Variants in HSPD1 observed in about 807,000 individuals in gnomAD.
HSPD1 encodes 60 kDa heat shock protein, mitochondrial.
HSPD1 carries 3 observed loss-of-function variants against 53.0 expected under a neutral mutation model. That is an observed-to-expected ratio of 0.06 (90% CI 0.03 to 0.15). The LOEUF (loss-of-function observed/expected upper bound fraction) is 0.15, where lower values mean the gene tolerates loss of function less well. Ranked by LOEUF, HSPD1 falls within the 10% of genes least tolerant of loss-of-function variation. The probability of loss-of-function intolerance (pLI) is 1.00; values close to 1 mark genes in which losing one functional copy is unlikely to be tolerated. For missense variants in HSPD1, 431 were observed against 694.1 expected, an observed-to-expected ratio of 0.62 and a Z score of 4.26; for synonymous variants, 200 against 228.0, an observed-to-expected ratio of 0.88 and a Z score of 1.10.
rs11551350 is a variant in HSPD1 at position 197,498,778 on chromosome 2, C to T, written c.71G>A (p.Arg24Gln). Residue 24 changes from arginine (R) to glutamine (Q), a missense_variant, in exon 2 of 12, where the codon CGG (arginine) becomes CAG (glutamine). Coordinates refer to ENST00000388968, the MANE Select transcript of HSPD1 (RefSeq NM_002156.5). ...AAATTTTACATCTTTGGCATAAGCC[C>T]GAGTGAGATGAGGAGCCAGTACCCT... ...VSRVLAPHLT[R>Q]AYAKDVKFGA... The T allele has an allele frequency of 6.2e-7, 1 of 1,614,152 alleles. No homozygotes were observed. The highest frequency in any genetic ancestry group is 8.5e-7 in the Non-Finnish European group (1 of 1,180,022).
At chr2:197,493,581 T>C (rs2086120423) in intron 6 of HSPD1, 89 bp from the exon 7 acceptor site, 5 of 933,502 alleles carry the variant, frequency 5.4e-6, no homozygotes, top group Admixed American at 2.0e-5. Flanking sequence ...CAATACACTT[T>C]AAAATTCACC....
At chr2:197,497,607 G>T in intron 2 of HSPD1, 1 of 587,156 alleles carries the variant, frequency 1.7e-6, no homozygotes, top group Non-Finnish European at 3.0e-6. Context: ...GCATAATTTT[G>T]AACTAGGTAA....
intron 9 of HSPD1, 74 bp from the exon 10 acceptor site, chr2:197,488,565 GT>G: frequency 7.0e-7 from 1 of 1,422,346 alleles, no homozygotes. Context: ...TTTAAAAGCA[GT>G]TTACTTAAAA....
chr2:197,489,377 CT>C (rs1202845271), intron 8 of HSPD1, 130 bp from the exon 9 acceptor site: 1 of 965,116 alleles, frequency 1.0e-6, no homozygotes, highest in Non-Finnish European at 1.6e-6. Flanking sequence ...TTTAAGATCA[CT>C]GTTAGTCCAG....
At chr2:197,494,866 G>C in intron 4 of HSPD1, 114 bp from the exon 5 acceptor site, 1 of 753,944 alleles carries the variant, frequency 1.3e-6, no homozygotes, top group Non-Finnish European at 2.4e-6. Flanking sequence ...GGGGAGAGAA[G>C]GGGAATTTAC....
Position 197,497,187 on chromosome 2 carries a change from C to G in HSPD1, c.380G>C (p.Gly127Ala), listed in dbSNP as rs763851396. The change falls in exon 3 of 12, where the codon GGC becomes GCC. Residue 127 changes from glycine to alanine, a missense_variant. Transcript: ENST00000388968. The part of the protein sequence containing the change: ...TVLARSIAKE[G>A]FEKISKGANP... ...AGCACCTTTGCTAATCTTCTCGAAGCCTTCCTTGGCTATAGAGCGTGCCAG... is the reference window on the plus strand; with the variant it reads ...AGCACCTTTGCTAATCTTCTCGAAGGCTTCCTTGGCTATAGAGCGTGCCAG... 1.9e-6 allele frequency: 3 copies of G among 1,614,146 alleles called. No homozygotes were observed. Among genetic ancestry groups the G allele is most frequent in the South Asian group, 2.2e-5 (2 of 91,080 alleles).
chr2:197,496,907 C>T lies in HSPD1; in HGVS notation c.427+233G>A, dbSNP rs887162933. 5.6e-6 allele frequency: 3 copies of T among 536,496 alleles called. No individual in the cohort carries two copies. The African/African-American group carries it at 5.7e-5, about 10-fold the overall frequency. The allele number at this position is 536,496 out of a possible 1,614,324, so 33.2% of individuals were successfully genotyped here. ...CCTGGGCTACAGAGCAAGACCCTGT[C>T]TCTAAAAACAAAAGAAACCAACTAA... is the stretch of plus-strand genomic sequence containing the variant. On this transcript the variant is annotated intron_variant, in intron 3 of 11. Coordinates refer to ENST00000388968, the MANE Select transcript of HSPD1 (RefSeq NM_002156.5).
intron 7 of HSPD1, among the ~76,000 whole-genome samples, chr2:197,492,456 C>T (rs1283210326): frequency 6.6e-6 from 1 of 152,090 alleles, no homozygotes; most frequent in Non-Finnish European, 1.5e-5. Context: ...TCCCCAAGTG[C>T]TGGGATTATA....
chr2:197,493,243 T>A (rs1048046884), intron 7 of HSPD1, 81 bp downstream of exon 7: 2 of 1,174,220 alleles, frequency 1.7e-6, no homozygotes, highest in South Asian at 2.4e-5. Flanking sequence ...GAGGTACACA[T>A]GATGGAAACT....
At chr2:197,499,243 TAAAAGTA>T (rs1461848339) in intron 1 of HSPD1, 2 of 326,526 alleles carry the variant, frequency 6.1e-6, no homozygotes, top group African/African-American at 4.3e-5. Context: ...CCAGGGAAGT[TAAAAGTA>T]TTCCTGACGG....
At position 197,489,228 on chromosome 2, in the gene HSPD1, A is replaced by C; in HGVS notation, c.989T>G (p.Leu330Trp). 6.2e-7 allele frequency: 1 copy of C among 1,614,198 alleles called. No individual in the cohort carries two copies. Among genetic ancestry groups the C allele is most frequent in the Non-Finnish European group, 8.5e-7 (1 of 1,179,998 alleles). ...TGGAVFGEEGLTLNLEDVQPH... is the reference protein window; with the variant it reads ...TGGAVFGEEGWTLNLEDVQPH... The stretch of plus-strand genomic sequence containing the variant: ...CTGAACGTCTTCAAGATTCAGGGTC[A>C]ATCCCTCTTCTCCAAACACCTACAA... Residue 330 changes from leucine to tryptophan, a missense_variant, in exon 9 of 12, where the codon TTG (leucine) becomes TGG (tryptophan). By Grantham distance (61) the Leu-to-Trp change is moderately conservative. Coordinates refer to ENST00000388968, the MANE Select transcript of HSPD1 (RefSeq NM_002156.5).
rs531377604 is a variant in HSPD1 at position 197,497,110 on chromosome 2, G to C, written c.427+30C>G. 11 of 1,610,002 alleles carry C rather than the reference G, an allele frequency of 6.8e-6. No individual in the cohort carries two copies. The Admixed American group carries it at 1.8e-4, about 27-fold the overall frequency. ...ATGCCTTAAAGCACACTGAAGTTTA[G>C]AACACTGTGGTGACAACAGACATTC... On this transcript the variant is annotated intron_variant, in intron 3 of 11. Transcript: ENST00000388968.
intron 4 of HSPD1, 110 bp downstream of exon 4, chr2:197,495,184 T>A: frequency 1.4e-6 from 1 of 705,706 alleles, no homozygotes; most frequent in South Asian, 1.6e-5. Context: ...ATTCTAATAT[T>A]GATGATTGGG....
chr2:197,495,380 G>C lies in HSPD1; in HGVS notation c.428-4C>G, dbSNP rs745957511. 6.4e-7 allele frequency: 1 copy of C among 1,573,714 alleles called. No homozygotes were observed. Among genetic ancestry groups the C allele is most frequent in the Admixed American group, 1.7e-5 (1 of 59,940 alleles). ...GCATCAACAGCTAACATCACACCTA[G>C]TTCAACGATATATGTCATTACAATG... On this transcript the variant is annotated splice_polypyrimidine_tract_variant and splice_region_variant and intron_variant, in intron 3 of 11. Coordinates refer to ENST00000388968, the MANE Select transcript of HSPD1 (RefSeq NM_002156.5).
rs1326389610 is a variant in HSPD1 at position 197,493,447 on chromosome 2, T to C, written c.746A>G (p.Lys249Arg). 5.0e-6 allele frequency: 8 copies of C among 1,613,274 alleles called. No homozygotes were observed. The highest frequency in any genetic ancestry group is 6.8e-6 in the Non-Finnish European group (8 of 1,179,282). The stretch of plus-strand genomic sequence containing the variant: ...AATGGACTGGATACTAGAAATTTTC[T>C]TTTCACTCAACAGAACATAGGCATC... ...FQDAYVLLSE[K>R]KISSIQSIVP... Residue 249 changes from lysine (K) to arginine (R), a missense_variant, in exon 7 of 12, where the codon AAG (lysine) becomes AGG (arginine). Around this residue, in one of 2 missense-constraint regions of HSPD1, gnomAD observed 386 missense variants for 657.6 expected, o/e 0.59. Transcript: ENST00000388968.
chr2:197,490,627 G>A (rs2086080390), intron 7 of HSPD1: 4 of 316,508 alleles, frequency 1.3e-5, no homozygotes, highest in East Asian at 8.0e-5. Context: ...TCAGGAGTTC[G>A]AGACCAGCCT....
At position 197,490,423 on chromosome 2, in the gene HSPD1, G is replaced by GTT. The variant is rs376444325; in HGVS notation, c.870-129_870-128dup. 525 of 578,702 alleles carry GTT rather than the reference G, an allele frequency of 9.1e-4. 1 individual carries two copies. Among genetic ancestry groups the GTT allele is most frequent in the African/African-American group, 8.4e-3 (416 of 49,716 alleles). 35.8% of individuals were successfully genotyped at this position (578,702 alleles called of 1,614,324 possible). On this transcript the variant is annotated intron_variant, in intron 7 of 11. Transcript: ENST00000388968. Reference sequence around the variant, plus strand: ...TCTGGTTTGGTTTTTGTGTTTTTTTGTTTTTTTTTTGCTTCCTAGCAATTT... The same window carrying GTT: ...TCTGGTTTGGTTTTTGTGTTTTTTTGTTTTTTTTTTTTGCTTCCTAGCAATTT...
At chr2:197,494,983 A>T in intron 4 of HSPD1, 1 of 598,854 alleles carries the variant, frequency 1.7e-6, no homozygotes, top group Non-Finnish European at 3.0e-6. Flanking sequence ...TGTAACAAAA[A>T]GTTTAAAAAT....
chr2:197,491,327 A>AT (rs1358153159), intron 7 of HSPD1, among the ~76,000 whole-genome samples: 1 of 151,634 alleles, frequency 6.6e-6, no homozygotes, highest in Non-Finnish European at 1.5e-5. Context: ...CGCCCAGCTA[A>AT]TTTTTTGTAT....
Sources: allele counts gnomAD v4.1 joint callset (sites outside exome capture counted in the v4.1 genomes callset), GRCh38; gene constraint gnomAD v4.1.1; regional missense constraint gnomAD v4.1.1; transcripts MANE v1.5; gene names NCBI Gene and HGNC (gene_info 2026-07-23, HGNC 2026-07-21).